Variants in CDK14 observed in about 807,000 individuals in gnomAD.
CDK14 encodes the protein cyclin-dependent kinase 14.
Under a neutral mutation model 60.7 loss-of-function variants are expected in CDK14, and 34 were observed. The observed-to-expected ratio is 0.56, with a 90% CI of 0.43 to 0.75. The LOEUF is 0.75. CDK14 is among the 30% of genes least tolerant of loss of function. The probability of loss-of-function intolerance (pLI) is 0.00; values close to 1 mark genes in which losing one functional copy is unlikely to be tolerated. For missense variants in CDK14, 482 were observed against 564.1 expected, an observed-to-expected ratio of 0.85 and a Z score of 1.47; for synonymous variants, 197 against 203.7, an observed-to-expected ratio of 0.97 and a Z score of 0.28.
intron 2 of CDK14, among the ~76,000 whole-genome samples, chr7:90,711,656 T>C (rs1030996288): frequency 6.6e-6 from 1 of 152,060 alleles, no homozygotes; most frequent in African/African-American, 2.4e-5. Context: ...GTAAAGGAAG[T>C]ATGGATGAAA....
chr7:90,895,819 G>T (rs1272089395), intron 6 of CDK14, among the ~76,000 whole-genome samples: 2 of 143,462 alleles, frequency 1.4e-5, no homozygotes, highest in Admixed American at 7.2e-5. Flanking sequence ...CAAGTGATCC[G>T]CCTGCCTCAG....
chr7:90,701,270 G>A (rs577890286), intron 2 of CDK14, among the ~76,000 whole-genome samples: 1 of 152,244 alleles, frequency 6.6e-6, no homozygotes, highest in South Asian at 2.1e-4. Flanking sequence ...TTCCCATTAG[G>A]TACTGTGCCT....
intron 10 of CDK14, among the ~76,000 whole-genome samples, chr7:91,032,117 A>T (rs2115943113): frequency 6.6e-6 from 1 of 152,282 alleles, no homozygotes; most frequent in Non-Finnish European, 1.5e-5. Context: ...CTTCCAGGGC[A>T]CCTAGGCAGG....
At chr7:90,711,373 T>G (rs924148788) in intron 2 of CDK14, among the ~76,000 whole-genome samples, 1 of 151,480 alleles carries the variant, frequency 6.6e-6, no homozygotes, top group Admixed American at 6.6e-5. Flanking sequence ...TTTTTTAAAC[T>G]TTTTTTTTCT....
chr7:90,602,543 G>C (rs1434617123), intron 1 of CDK14, among the ~76,000 whole-genome samples: 1 of 152,208 alleles, frequency 6.6e-6, no homozygotes, highest in Admixed American at 6.5e-5. Context: ...TATTTATACA[G>C]AGCCTTGTAG....
Position 90,627,873 on chromosome 7 carries a change from G to A in CDK14, c.123+23624G>A, listed in dbSNP as rs573557632. On this transcript the variant is annotated intron_variant, in intron 2 of 14. Transcript: ENST00000380050. ...GGAGGGATTCTCCCACATAGGAGCC[G>A]TGCAACTCAGTTTTATGCTCCTAAA... is the stretch of plus-strand genomic sequence containing the variant. 1.4e-4 allele frequency among the ~76,000 whole-genome samples: 22 copies of A among 152,316 alleles called. No homozygotes were observed. The South Asian group carries it at 4.6e-3, about 32-fold the overall frequency.
At position 91,173,885 on chromosome 7, in the gene CDK14, C is replaced by T. The variant is rs1320344306; in HGVS notation, c.*29-33280C>T. Among the ~76,000 whole-genome samples the T allele has an allele frequency of 1.7e-3, 255 of 152,352 alleles. 2 individuals are homozygous for T. Among genetic ancestry groups the T allele is most frequent in the Non-Finnish European group, 2.1e-3 (140 of 68,028 alleles). ...GGCGGCAGCGAGGCTGGGGGAGGGG[C>T]ACCCGCCATTGCACAGGCTTGATTA... On this transcript the variant is annotated intron_variant, in intron 14 of 14. Transcript: ENST00000380050.
intron 2 of CDK14, among the ~76,000 whole-genome samples, chr7:90,657,441 A>C (rs1318908669): frequency 6.6e-6 from 1 of 152,202 alleles, no homozygotes; most frequent in East Asian, 1.9e-4. Context: ...CTGGATGTAA[A>C]ATTTAGCATG....
In CDK14 at chr7:90,709,907, A is replaced by G. The variant is rs550502415; in HGVS notation, c.124-16660A>G. On this transcript the variant is annotated intron_variant, in intron 2 of 14. Coordinates refer to ENST00000380050, the MANE Select transcript of CDK14 (RefSeq NM_001287135.2). ...CTGGTGCAAACACATTGCTAGAGAC[A>G]TGTTAAAGAGTTCCAGGTGAATCAA... 3.2e-4 allele frequency: 398 copies of G among 1,226,312 alleles called. 3 individuals carry two copies. The Admixed American group carries it at 0.011, about 35-fold the overall frequency. The allele number at this position is 1,226,312 out of a possible 1,614,324, so 76.0% of individuals were successfully genotyped here.
chr7:90,725,824 G>A (rs1439508914), intron 2 of CDK14, among the ~76,000 whole-genome samples: 1 of 152,058 alleles, frequency 6.6e-6, no homozygotes, highest in East Asian at 1.9e-4. Context: ...ATGAGAGGGT[G>A]GGGAAGGCTG....
chr7:90,604,589 A>G (rs1202135393), intron 2 of CDK14, among the ~76,000 whole-genome samples: 1 of 152,166 alleles, frequency 6.6e-6, no homozygotes, highest in African/African-American at 2.4e-5. Flanking sequence ...TAAGTTGGGC[A>G]CCATGGCTCA....
At chr7:90,645,854 T>G (rs1429896251) in intron 2 of CDK14, among the ~76,000 whole-genome samples, 9 of 152,232 alleles carry the variant, frequency 5.9e-5, no homozygotes, top group South Asian at 4.1e-4. Context: ...TACTTCATTT[T>G]CCCTTCTGTG....
At chr7:90,696,091 G>T (rs1189070368) in intron 2 of CDK14, among the ~76,000 whole-genome samples, 1 of 152,200 alleles carries the variant, frequency 6.6e-6, no homozygotes, top group African/African-American at 2.4e-5. Context: ...ATTAGGATGG[G>T]AGCAGTGGAG....
chr7:90,741,890 G>A (rs1262774699), intron 3 of CDK14, among the ~76,000 whole-genome samples: 1 of 152,002 alleles, frequency 6.6e-6, no homozygotes, highest in African/African-American at 2.4e-5. Context: ...CAGATACACA[G>A]TATATTGAAT....
chr7:90,663,307 A>G (rs1025541501), intron 2 of CDK14, among the ~76,000 whole-genome samples: 21 of 152,196 alleles, frequency 1.4e-4, no homozygotes, highest in African/African-American at 4.8e-4. Flanking sequence ...GGAAAACGTT[A>G]AGATTTATTT....
At chr7:91,107,973 T>A (rs1799354312) in intron 12 of CDK14, among the ~76,000 whole-genome samples, 1 of 152,346 alleles carries the variant, frequency 6.6e-6, no homozygotes, top group East Asian at 1.9e-4. Context: ...TTGAAACCTC[T>A]GTATTTGGAT....
intron 14 of CDK14, among the ~76,000 whole-genome samples, chr7:91,125,096 G>A (rs1799902167): frequency 1.3e-5 from 2 of 152,066 alleles, no homozygotes; most frequent in Non-Finnish European, 2.9e-5. Context: ...AATGCACAGA[G>A]GACAATGTCT....
At chr7:91,065,935 T>G (rs919019743) in intron 11 of CDK14, among the ~76,000 whole-genome samples, 2 of 152,216 alleles carry the variant, frequency 1.3e-5, no homozygotes, top group African/African-American at 4.8e-5. Flanking sequence ...ACAGTGTTAA[T>G]TGTTCATCCT....
At chr7:90,811,199 C>CAA (rs1351804818) in intron 5 of CDK14, among the ~76,000 whole-genome samples, 2 of 152,150 alleles carry the variant, frequency 1.3e-5, no homozygotes, top group Non-Finnish European at 2.9e-5. Flanking sequence ...AGGCATCATG[C>CAA]TACCTGACTT....
Sources: allele counts gnomAD v4.1 joint callset (sites outside exome capture counted in the v4.1 genomes callset), GRCh38; gene constraint gnomAD v4.1.1; transcripts MANE v1.5; gene names NCBI Gene and HGNC (gene_info 2026-07-23, HGNC 2026-07-21).